The following NFIB variants were observed in gnomAD, a reference collection of about 807,000 sequenced individuals.
The protein encoded by NFIB is nuclear factor 1 B-type.
Under a neutral mutation model 61.5 loss-of-function variants are expected in NFIB, and 11 were observed. The ratio of observed to expected loss-of-function variants is 0.18; its 90% CI spans 0.11 to 0.30. NFIB has a LOEUF of 0.30. NFIB is among the 10% of genes least tolerant of loss of function. The pLI, the probability that NFIB is intolerant of heterozygous loss-of-function variation, is 1.00. For missense variants in NFIB, 471 were observed against 608.9 expected, an observed-to-expected ratio of 0.77 and a Z score of 2.38; for synonymous variants, 260 against 216.5, an observed-to-expected ratio of 1.20 and a Z score of -1.76.
At chr9:14,507,317 C>T in the NFIB span, among the ~76,000 whole-genome samples, 6 of 152,184 alleles carry the variant, frequency 3.9e-5, no homozygotes, top group Admixed American at 2.6e-4. Context: ...TTTATTTTTG[C>T]ATAAGTGGAG....
intron 3 of NFIB, among the ~76,000 whole-genome samples, chr9:14,167,275 G>C (rs1338904867): frequency 6.6e-6 from 1 of 152,158 alleles, no homozygotes; most frequent in Non-Finnish European, 1.5e-5. Flanking sequence ...GGGTGTGGTG[G>C]CTCATGCCTG....
chr9:14,363,523 G>A (rs1308840495), intron 1 of NFIB, among the ~76,000 whole-genome samples: 1 of 151,798 alleles, frequency 6.6e-6, no homozygotes, highest in Non-Finnish European at 1.5e-5. Context: ...CCTAAGAGGT[G>A]TTTCTGAAGA....
the NFIB span, among the ~76,000 whole-genome samples, chr9:14,478,992 G>C: frequency 6.6e-6 from 1 of 152,146 alleles, no homozygotes; most frequent in Non-Finnish European, 1.5e-5. Context: ...ACAGTTGCTG[G>C]CATATTACAT....
chr9:14,191,194 G>A (rs561597647), intron 2 of NFIB, among the ~76,000 whole-genome samples: 5 of 152,142 alleles, frequency 3.3e-5, no homozygotes, highest in African/African-American at 7.2e-5. Flanking sequence ...TGGGCATAGC[G>A]GTGGGTGCCT....
At chr9:14,353,990 T>C (rs1324562248) in intron 1 of NFIB, among the ~76,000 whole-genome samples, 1 of 151,120 alleles carries the variant, frequency 6.6e-6, no homozygotes, top group Non-Finnish European at 1.5e-5. Flanking sequence ...CTGGGGCAAA[T>C]CACTTAAAAT....
Position 14,141,902 on chromosome 9 carries a change from CAAAAA to C in NFIB, c.925+4782_925+4786del, listed in dbSNP as rs1207435536. 5.1e-3 allele frequency among the ~76,000 whole-genome samples: 271 copies of C among 53,578 alleles called. 1 individual carries two copies. The highest frequency in any genetic ancestry group is 0.019 in the African/African-American group (264 of 13,832). 35.1% of individuals were successfully genotyped at this position (53,578 alleles called of 152,430 possible). On this transcript the variant is annotated intron_variant, in intron 6 of 10. Transcript: ENST00000380953. Reference sequence around the variant, plus strand: ...TTGCAATAAATCTTGCTGCTGCTCACAAAAAAAAAAAAAAAAAAAAAAAACAACGA... The same window carrying C: ...TTGCAATAAATCTTGCTGCTGCTCACAAAAAAAAAAAAAAAAAAACAACGA...
At chr9:14,162,813 C>T (rs900925510) in intron 3 of NFIB, among the ~76,000 whole-genome samples, 2 of 151,952 alleles carry the variant, frequency 1.3e-5, no homozygotes, top group African/African-American at 4.8e-5. Context: ...CAAAAAAATT[C>T]AATTTTTCAG....
intron 2 of NFIB, among the ~76,000 whole-genome samples, chr9:14,244,079 G>A (rs996241671): frequency 2.0e-5 from 3 of 152,138 alleles, no homozygotes; most frequent in African/African-American, 7.2e-5. Flanking sequence ...AATTATATAT[G>A]AAAACACATC....
chr9:14,325,786 A>G lies in NFIB; in HGVS notation c.109-18266T>C, dbSNP rs575330048. On this transcript the variant is annotated intron_variant, in intron 1 of 8. Coordinates refer to the NFIB transcript ENST00000380934. ...GCATATTTAGGATGCAATACTAAAT[A>G]AAACATATACCATCTTTTAAAACAA... Among the ~76,000 whole-genome samples the G allele has an allele frequency of 5.3e-4, 80 of 152,264 alleles. 1 individual carries two copies. The South Asian group carries it at 0.016, about 31-fold the overall frequency.
At chr9:14,096,615 A>C (rs2034831945) in intron 10 of NFIB, 1 of 152,146 alleles carries the variant, frequency 6.6e-6, no homozygotes, top group South Asian at 2.1e-4. Flanking sequence ...TGTTCCCCCA[A>C]CCTAAGTCCC....
intron 2 of NFIB, among the ~76,000 whole-genome samples, chr9:14,246,871 T>C (rs1203581314): frequency 1.3e-5 from 2 of 152,150 alleles, no homozygotes; most frequent in Non-Finnish European, 2.9e-5. Context: ...ACAGGGTCTT[T>C]ATGGAAGTAA....
intron 6 of NFIB, among the ~76,000 whole-genome samples, chr9:14,132,313 T>G (rs1036424158): frequency 1.3e-5 from 2 of 152,174 alleles, no homozygotes; most frequent in Non-Finnish European, 1.5e-5. Flanking sequence ...TCTTCCTTAT[T>G]TACATGCCAT....
intron 2 of NFIB, chr9:14,204,449 G>A: frequency 9.3e-7 from 1 of 1,080,282 alleles, no homozygotes; most frequent in Non-Finnish European, 1.4e-6. Flanking sequence ...GCGGCAGAGA[G>A]TCATCCTCTA....
At chr9:14,396,960 C>A (rs1278665953) in intron 1 of NFIB, among the ~76,000 whole-genome samples, 5 of 152,110 alleles carry the variant, frequency 3.3e-5, no homozygotes, top group Non-Finnish European at 5.9e-5. Flanking sequence ...CATGTCATGA[C>A]TTTATAGGAA....
chr9:14,500,235 A>C, the NFIB span, among the ~76,000 whole-genome samples: 1 of 152,168 alleles, frequency 6.6e-6, no homozygotes, highest in Admixed American at 6.5e-5. Context: ...GCGAGGATTC[A>C]AACCCAGGAA....
the NFIB span, among the ~76,000 whole-genome samples, chr9:14,530,278 T>C: frequency 6.6e-6 from 1 of 152,296 alleles, no homozygotes; most frequent in Non-Finnish European, 1.5e-5. Flanking sequence ...GCCAGTTGAT[T>C]TCACCATGTA....
At chr9:14,466,684 C>T in the NFIB span, among the ~76,000 whole-genome samples, 178 of 152,320 alleles carry the variant, frequency 1.2e-3, 1 homozygote, top group Middle Eastern at 0.01. Context: ...TCCTCTGCCC[C>T]CCAGGGTCTG....
At chr9:14,187,168 AAACTT>A (rs36044709) in intron 2 of NFIB, among the ~76,000 whole-genome samples, 7,380 of 151,938 alleles carry the variant, frequency 0.049, 492 homozygotes, top group African/African-American at 0.15. Flanking sequence ...CTTCACTGCA[AAACTT>A]AACTTAACAA....
At chr9:14,333,212 C>T (rs143577334) in intron 1 of NFIB, among the ~76,000 whole-genome samples, 134 of 152,276 alleles carry the variant, frequency 8.8e-4, no homozygotes, top group Admixed American at 2.2e-3. Context: ...CTCATTTGAT[C>T]CTCCTAATAA....
Sources: gnomAD v4.1 joint callset for allele counts (sites outside exome capture counted in the v4.1 genomes callset) on GRCh38, gnomAD v4.1.1 for gene constraint, MANE v1.5 for transcripts, NCBI Gene and HGNC (gene_info 2026-07-23, HGNC 2026-07-21) for gene names.